The following DOK5 variants were observed in gnomAD, a reference collection of about 807,000 sequenced individuals.
The protein encoded by DOK5 is docking protein 5, also known as downstream of tyrosine kinase 5.
Under a neutral mutation model 43.3 loss-of-function variants are expected in DOK5, and 27 were observed. The observed-to-expected ratio is 0.62, with a 90% CI of 0.46 to 0.86. DOK5 has a LOEUF of 0.86. DOK5 is among the 40% of genes least tolerant of loss of function. The probability of loss-of-function intolerance (pLI) is 0.00; values close to 1 mark genes in which losing one functional copy is unlikely to be tolerated. For missense variants in DOK5, 373 were observed against 392.9 expected, an observed-to-expected ratio of 0.95 and a Z score of 0.43; for synonymous variants, 146 against 140.1, an observed-to-expected ratio of 1.04 and a Z score of -0.30.
chr20:54,604,606 G>A lies in DOK5; in HGVS notation c.600-5782G>A, dbSNP rs375420357. Among the ~76,000 whole-genome samples, 39 of 152,282 alleles carry A rather than the reference G, an allele frequency of 2.6e-4. 2 individuals are homozygous for A. In the East Asian group the frequency reaches 3.9e-3, roughly 15 times the overall value. ...GCTTTGTCTCTGATAGGTGTAACAA[G>A]TACCTTATTCTTTCAATTATAACGT... is the stretch of plus-strand genomic sequence containing the variant. On this transcript the variant is annotated intron_variant, in intron 5 of 7. Coordinates refer to ENST00000262593, the MANE Select transcript of DOK5 (RefSeq NM_018431.5).
At chr20:54,489,551 T>C (rs925390102) in intron 1 of DOK5, among the ~76,000 whole-genome samples, 10 of 152,194 alleles carry the variant, frequency 6.6e-5, no homozygotes, top group Non-Finnish European at 8.8e-5. Flanking sequence ...ATATATCTTA[T>C]ATATTTTATT....
At position 54,610,591 on chromosome 20, in the gene DOK5, T is replaced by C. The variant is rs1986615866; in HGVS notation, c.735+68T>C. The stretch of plus-strand genomic sequence containing the variant: ...GCAGAAAGCAATTGGGTCATTTTTG[T>C]GCTGGAAAATATGGTCAGCATTATT... On this transcript the variant is annotated intron_variant, in intron 6 of 7. Transcript: ENST00000262593. 6 of 1,350,574 alleles carry C rather than the reference T, an allele frequency of 4.4e-6. 1 individual carries two copies. In the Admixed American group the frequency reaches 1.8e-4, roughly 41 times the overall value. 83.7% of individuals were successfully genotyped at this position (1,350,574 alleles called of 1,614,324 possible).
chr20:54,508,089 G>A (rs1229716315), intron 1 of DOK5, among the ~76,000 whole-genome samples: 1 of 152,100 alleles, frequency 6.6e-6, no homozygotes, highest in African/African-American at 2.4e-5. Flanking sequence ...TCCTAAAGAG[G>A]ACTTACCCAT....
chr20:54,578,190 A>G (rs1021652828), intron 2 of DOK5, among the ~76,000 whole-genome samples: 1 of 152,212 alleles, frequency 6.6e-6, no homozygotes, highest in Non-Finnish European at 1.5e-5. Context: ...GAGGTAGCCT[A>G]TGATAATTTC....
intron 6 of DOK5, among the ~76,000 whole-genome samples, chr20:54,623,369 T>C (rs1211093227): frequency 6.6e-6 from 1 of 152,108 alleles, no homozygotes; most frequent in Non-Finnish European, 1.5e-5. Flanking sequence ...CAGAATTGGA[T>C]GGGTCTGTGT....
At chr20:54,586,641 T>C (rs1220862827) in intron 2 of DOK5, among the ~76,000 whole-genome samples, 2 of 152,186 alleles carry the variant, frequency 1.3e-5, no homozygotes, top group Non-Finnish European at 2.9e-5. Flanking sequence ...AGGAAAGGTA[T>C]AGGACATCAT....
intron 5 of DOK5, among the ~76,000 whole-genome samples, chr20:54,604,339 T>C (rs944012668): frequency 2.0e-5 from 3 of 152,110 alleles, no homozygotes; most frequent in Non-Finnish European, 4.4e-5. Context: ...TATCCCTCTC[T>C]GTCAGGTGCT....
intron 2 of DOK5, among the ~76,000 whole-genome samples, chr20:54,569,304 A>G (rs560792169): frequency 5.3e-4 from 80 of 152,306 alleles, no homozygotes; most frequent in African/African-American, 1.8e-3. Context: ...ATATGATCAC[A>G]CGAATTGCCC....
intron 2 of DOK5, 117 bp downstream of exon 2, chr20:54,555,157 G>A (rs1379312594): frequency 3.3e-5 from 22 of 667,764 alleles, no homozygotes; most frequent in Non-Finnish European, 5.6e-5. Context: ...CTTTTCCAAG[G>A]ACAAAACACC....
chr20:54,588,893 T>A (rs1985896277), intron 4 of DOK5, 87 bp downstream of exon 4: 1 of 1,432,282 alleles, frequency 7.0e-7, no homozygotes, highest in Non-Finnish European at 9.5e-7. Flanking sequence ...TTATGTAAAG[T>A]TTTTGGGGTA....
intron 1 of DOK5, among the ~76,000 whole-genome samples, chr20:54,491,480 G>A (rs1982174071): frequency 6.6e-6 from 1 of 152,170 alleles, no homozygotes; most frequent in Non-Finnish European, 1.5e-5. Context: ...GCAGTCCCCA[G>A]GACAGGCCAA....
chr20:54,624,464 G>A (rs1163431476), intron 6 of DOK5, among the ~76,000 whole-genome samples: 1 of 152,180 alleles, frequency 6.6e-6, no homozygotes, highest in Non-Finnish European at 1.5e-5. Context: ...GGGCTTAAAG[G>A]TTTGTTGAAT....
At chr20:54,582,589 T>C (rs1433314936) in intron 2 of DOK5, among the ~76,000 whole-genome samples, 1 of 151,764 alleles carries the variant, frequency 6.6e-6, no homozygotes, top group Non-Finnish European at 1.5e-5. Context: ...CAAGTTTCTA[T>C]TTCTTCATGA....
intron 1 of DOK5, among the ~76,000 whole-genome samples, chr20:54,544,861 G>T (rs1302270041): frequency 1.3e-5 from 2 of 152,162 alleles, no homozygotes. Flanking sequence ...CCAATCTTAG[G>T]TTCTACAGTA....
intron 1 of DOK5, among the ~76,000 whole-genome samples, chr20:54,493,082 G>T (rs6023290): frequency 2.2e-5 from 3 of 137,080 alleles, no homozygotes; most frequent in African/African-American, 8.1e-5. Flanking sequence ...AAAAAAAAAA[G>T]GGATGTGTTT....
intron 2 of DOK5, among the ~76,000 whole-genome samples, chr20:54,579,082 C>A (rs1985547765): frequency 6.6e-6 from 1 of 152,114 alleles, no homozygotes; most frequent in South Asian, 2.1e-4. Flanking sequence ...TTAACAGTAT[C>A]TTTCCTGACT....
At chr20:54,558,497 T>A (rs965185766) in intron 2 of DOK5, among the ~76,000 whole-genome samples, 5 of 152,180 alleles carry the variant, frequency 3.3e-5, no homozygotes, top group African/African-American at 9.7e-5. Context: ...TCTGATACAT[T>A]TAGTATTAAT....
At chr20:54,517,756 A>C (rs2426523) in intron 1 of DOK5, among the ~76,000 whole-genome samples, 6 of 152,112 alleles carry the variant, frequency 3.9e-5, no homozygotes, top group Non-Finnish European at 8.8e-5. Context: ...GAGGTGATGA[A>C]GTCATGAATC....
intron 1 of DOK5, among the ~76,000 whole-genome samples, chr20:54,489,499 A>T (rs916559296): frequency 1.3e-5 from 2 of 152,146 alleles, no homozygotes; most frequent in African/African-American, 4.8e-5. Context: ...ATTTAGTGAT[A>T]TATCATAGTT....
Sources: gnomAD v4.1 joint callset for allele counts (sites outside exome capture counted in the v4.1 genomes callset) on GRCh38, gnomAD v4.1.1 for gene constraint, MANE v1.5 for transcripts, NCBI Gene and HGNC (gene_info 2026-07-23, HGNC 2026-07-21) for gene names.